The following TSHZ2 variants were observed in gnomAD, a reference collection of about 807,000 sequenced individuals.
TSHZ2 encodes teashirt homolog 2.
Under a neutral mutation model 74.4 loss-of-function variants are expected in TSHZ2, and 21 were observed. That is an observed-to-expected ratio of 0.28 (90% CI 0.20 to 0.41). The LOEUF (loss-of-function observed/expected upper bound fraction) is 0.41. Among genes scored for constraint, TSHZ2 ranks in the 10% least tolerant of loss-of-function variants. The pLI is 1.00. For missense variants in TSHZ2, 1,244 were observed against 1,293.5 expected (o/e 0.96, Z 0.59); for synonymous variants, 540 against 515.3 (o/e 1.05, Z -0.65).
At chr20:53,206,216 T>A (rs1042259906) in intron 1 of TSHZ2, among the ~76,000 whole-genome samples, 16 of 151,946 alleles carry the variant, frequency 1.1e-4, no homozygotes, top group Non-Finnish European at 7.3e-5. Context: ...AGACGCCGTC[T>A]CAAAAAAATT....
At chr20:52,991,215 A>G (rs1981974072) in intron 1 of TSHZ2, among the ~76,000 whole-genome samples, 1 of 130,524 alleles carries the variant, frequency 7.7e-6, no homozygotes, top group South Asian at 2.4e-4. Context: ...TTTTGTGTGG[A>G]TTATGTATGT....
chr20:52,986,761 T>C (rs962336720), intron 1 of TSHZ2, among the ~76,000 whole-genome samples: 7 of 152,190 alleles, frequency 4.6e-5, no homozygotes, highest in Admixed American at 4.6e-4. Context: ...TAGACTTTTG[T>C]TGTCTGATTA....
At chr20:53,048,348 C>A (rs1202868072) in intron 1 of TSHZ2, among the ~76,000 whole-genome samples, 3 of 152,086 alleles carry the variant, frequency 2.0e-5, no homozygotes. Flanking sequence ...AACTTCTTAG[C>A]CGGAACTGCT....
chr20:53,255,314 C>G lies in TSHZ2; in HGVS notation c.1856C>G (p.Pro619Arg), dbSNP rs763048226. Residue 619 changes from proline (P) to arginine (R), a missense_variant, in exon 2 of 3, where the codon CCC becomes CGC. Coordinates refer to ENST00000371497, the MANE Select transcript of TSHZ2 (RefSeq NM_173485.6). The surrounding 1 kb of genome is among the most constrained non-coding windows in gnomAD (Gnocchi z 4.1). ...GTGAAGGAGTGTGGGAAAGAAAGTC[C>G]CCACGAAGAGGCCTCATCTTTCAGC... The part of the protein sequence containing the change: ...EAVKECGKES[P>R]HEEASSFSHS... The G allele has an allele frequency of 3.1e-6, 5 of 1,614,000 alleles. No homozygotes were observed. Among genetic ancestry groups the G allele is most frequent in the Admixed American group, 1.7e-5 (1 of 60,006 alleles).
intron 1 of TSHZ2, among the ~76,000 whole-genome samples, chr20:53,236,953 C>T (rs1157641148): frequency 6.6e-6 from 1 of 152,168 alleles, no homozygotes; most frequent in Non-Finnish European, 1.5e-5. Flanking sequence ...ACCCCTAACA[C>T]GTAGGGCTTA....
chr20:53,374,605 G>A (rs142246126), intron 2 of TSHZ2, among the ~76,000 whole-genome samples: 51 of 152,144 alleles, frequency 3.4e-4, no homozygotes, highest in African/African-American at 1.2e-3. Context: ...TCCCACCAGC[G>A]GCATGTGAAT....
At chr20:53,167,176 G>T (rs1183704434) in intron 1 of TSHZ2, among the ~76,000 whole-genome samples, 3 of 152,246 alleles carry the variant, frequency 2.0e-5, no homozygotes, top group African/African-American at 7.2e-5. Flanking sequence ...CCAGAATAAA[G>T]TGGGAAGATG....
intron 2 of TSHZ2, among the ~76,000 whole-genome samples, chr20:53,485,208 G>T (rs774310377): frequency 6.6e-6 from 1 of 152,058 alleles, no homozygotes; most frequent in African/African-American, 2.4e-5. Context: ...AGCTTGAAAC[G>T]CAAAGATGTT....
chr20:53,282,060 T>C (rs1014529809), intron 2 of TSHZ2, among the ~76,000 whole-genome samples: 4 of 152,176 alleles, frequency 2.6e-5, no homozygotes, highest in African/African-American at 9.7e-5. Flanking sequence ...TCCAAAGGCA[T>C]CCCTACTGTG....
At chr20:53,480,147 C>T (rs1986112198) in intron 2 of TSHZ2, among the ~76,000 whole-genome samples, 1 of 150,634 alleles carries the variant, frequency 6.6e-6, no homozygotes, top group South Asian at 2.1e-4. Flanking sequence ...CGACTCACTG[C>T]AACCTCCACC....
chr20:53,072,316 T>G (rs755139237), intron 1 of TSHZ2, among the ~76,000 whole-genome samples: 9 of 152,204 alleles, frequency 5.9e-5, no homozygotes, highest in Non-Finnish European at 1.0e-4. Flanking sequence ...CAAATACAAG[T>G]GCAAAGAGTA....
intron 1 of TSHZ2, among the ~76,000 whole-genome samples, chr20:52,980,768 G>T: frequency 6.6e-6 from 1 of 152,150 alleles, no homozygotes; most frequent in East Asian, 1.9e-4. Flanking sequence ...TGACATGGGA[G>T]ATACAAAAAT....
rs559503839 is a variant in TSHZ2, at chr20:53,005,415, T to A, written c.40+32082T>A. On this transcript the variant is annotated intron_variant, in intron 1 of 2. Coordinates refer to ENST00000371497, the MANE Select transcript of TSHZ2 (RefSeq NM_173485.6). ...GAGAAAACGTGTAGATGTCCTGCCA[T>A]CTGAACTCTTCCTGTTCCAGAGGAG... Among the ~76,000 whole-genome samples, 3 of 151,714 alleles carry A rather than the reference T, an allele frequency of 2.0e-5. No homozygotes were observed. In the South Asian group the frequency reaches 6.3e-4, roughly 32 times the overall value.
At chr20:53,354,140 G>A (rs1980758705) in intron 2 of TSHZ2, among the ~76,000 whole-genome samples, 2 of 152,212 alleles carry the variant, frequency 1.3e-5, no homozygotes, top group South Asian at 4.1e-4. Flanking sequence ...CAAGTAATGA[G>A]TTTCAGAAGC....
chr20:53,443,161 A>AT (rs1377341072), intron 2 of TSHZ2, among the ~76,000 whole-genome samples: 50 of 151,546 alleles, frequency 3.3e-4, no homozygotes, highest in Admixed American at 3.0e-3. Context: ...TCTTGCCAGT[A>AT]TTTTTTTTTC....
intron 2 of TSHZ2, among the ~76,000 whole-genome samples, chr20:53,409,834 C>CTTTTTTTTTTTTTTTTTT (rs71194475): frequency 6.1e-5 from 3 of 49,354 alleles, no homozygotes; most frequent in African/African-American, 1.7e-4. Flanking sequence ...GTTTTCTTTT[C>CTTTTTTTTTTTTTTTTTT]TTTTTTTTTT....
At chr20:53,342,646 A>C (rs1386669484) in intron 2 of TSHZ2, among the ~76,000 whole-genome samples, 3 of 152,176 alleles carry the variant, frequency 2.0e-5, no homozygotes, top group African/African-American at 7.2e-5. Flanking sequence ...CCCATTTTAC[A>C]GATAAGGAAA....
At chr20:53,294,493 G>C (rs1991339716) in intron 2 of TSHZ2, among the ~76,000 whole-genome samples, 1 of 152,036 alleles carries the variant, frequency 6.6e-6, no homozygotes, top group Non-Finnish European at 1.5e-5. Flanking sequence ...GAGAGAGAGA[G>C]AGACAGAGAG....
At chr20:53,051,060 T>C (rs6068442) in intron 1 of TSHZ2, among the ~76,000 whole-genome samples, 107,846 of 152,128 alleles carry the variant, frequency 0.71, 39,149 homozygotes, top group East Asian at 0.96. Flanking sequence ...ATATTGTAGC[T>C]GGGCATGGTG....
Sources: gnomAD v4.1 joint callset for allele counts (sites outside exome capture counted in the v4.1 genomes callset) on GRCh38, gnomAD v4.1.1 for gene constraint, Gnocchi (gnomAD v3.1) non-coding constraint, MANE v1.5 for transcripts, NCBI Gene and HGNC (gene_info 2026-07-23, HGNC 2026-07-21) for gene names.